The following PAK2 variants were observed in gnomAD, a reference collection of about 807,000 sequenced individuals.
The protein encoded by PAK2 is p21 (RAC1) activated kinase 2, also known as serine/threonine-protein kinase PAK 2.
A neutral mutation model predicts 65.9 loss-of-function variants in PAK2; 21 were observed. The ratio of observed to expected loss-of-function variants is 0.32; its 90% CI spans 0.23 to 0.46. The LOEUF is 0.46. PAK2 is among the 20% of genes least tolerant of loss of function. The pLI, the probability that PAK2 is intolerant of heterozygous loss-of-function variation, is 1.00. For missense variants in PAK2, 324 were observed against 642.6 expected, an observed-to-expected ratio of 0.50 and a Z score of 5.36; for synonymous variants, 204 against 219.7, an observed-to-expected ratio of 0.93 and a Z score of 0.63.
intron 1 of PAK2, among the ~76,000 whole-genome samples, chr3:196,782,107 AAAAT>A (rs1353698592): frequency 6.6e-6 from 1 of 152,100 alleles, no homozygotes; most frequent in Non-Finnish European, 1.5e-5. Flanking sequence ...CTCCATCTTG[AAAAT>A]AAATAAGAAT....
At chr3:196,750,550 G>T (rs548398121) in intron 1 of PAK2, among the ~76,000 whole-genome samples, 1 of 151,688 alleles carries the variant, frequency 6.6e-6, no homozygotes, top group African/African-American at 2.4e-5. Flanking sequence ...TAACATTTTT[G>T]CATCTTATAT....
rs575520189 is a variant in PAK2 at position 196,827,138 on chromosome 3, T to C, written c.1351-58T>C. On this transcript the variant is annotated intron_variant, in intron 13 of 14. Transcript: ENST00000327134. ...AAAGAATCCCTTAGACTTTATGGAG[T>C]GCTCTGTGACCGTGTTGAGCTATCT... 2.7e-3 allele frequency: 3,058 copies of C among 1,123,896 alleles called. 8 individuals are homozygous for C. The highest frequency in any genetic ancestry group is 3.1e-3 in the Non-Finnish European group (2,417 of 779,456). The allele number at this position is 1,123,896 out of a possible 1,614,324, so 69.6% of individuals were successfully genotyped here. A position where few individuals can be genotyped will look rare whatever the true frequency, so the allele number is the denominator to read the frequency against.
intron 1 of PAK2, among the ~76,000 whole-genome samples, chr3:196,770,142 A>G (rs530593509): frequency 1.3e-5 from 2 of 152,026 alleles, no homozygotes; most frequent in South Asian, 4.2e-4. Context: ...CTGTAGTTCC[A>G]GCTACTTAGG....
At chr3:196,767,904 C>T (rs979003542) in intron 1 of PAK2, among the ~76,000 whole-genome samples, 1 of 152,070 alleles carries the variant, frequency 6.6e-6, no homozygotes, top group African/African-American at 2.4e-5. Context: ...GCGGTCTCAT[C>T]ATATGGACTC....
chr3:196,799,795 T>C (rs1329021220), intron 2 of PAK2, among the ~76,000 whole-genome samples: 1 of 152,120 alleles, frequency 6.6e-6, no homozygotes, highest in African/African-American at 2.4e-5. Context: ...AGTTTGCATT[T>C]TAGATACAGT....
chr3:196,782,005 C>CTGAG (rs1278499223), intron 1 of PAK2, among the ~76,000 whole-genome samples: 1 of 152,136 alleles, frequency 6.6e-6, no homozygotes. Context: ...ACTCAGGAGG[C>CTGAG]TGAGGCAGGA....
intron 13 of PAK2, among the ~76,000 whole-genome samples, chr3:196,826,001 A>T (rs1711852314): frequency 1.0e-5 from 1 of 96,740 alleles, no homozygotes; most frequent in African/African-American, 4.5e-5. Context: ...GTGCCACCAC[A>T]CCCAGCTAAT....
intron 2 of PAK2, among the ~76,000 whole-genome samples, chr3:196,796,708 C>T (rs1240757500): frequency 6.6e-6 from 1 of 152,034 alleles, no homozygotes; most frequent in Non-Finnish European, 1.5e-5. Flanking sequence ...TACTTTAAAA[C>T]ATAAAGCCAC....
chr3:196,764,004 C>T (rs1175867920), intron 1 of PAK2, among the ~76,000 whole-genome samples: 4 of 145,884 alleles, frequency 2.7e-5, no homozygotes, highest in Non-Finnish European at 4.5e-5. Flanking sequence ...GATGGGGTTT[C>T]ACCGTGTTAG....
chr3:196,742,454 T>TTG (rs1713231938), intron 1 of PAK2, among the ~76,000 whole-genome samples: 2 of 152,346 alleles, frequency 1.3e-5, no homozygotes, highest in African/African-American at 2.4e-5. Context: ...AGATAAACTT[T>TTG]CAATTATACT....
At position 196,780,780 on chromosome 3, in the gene PAK2, T is replaced by TTTTTA. The variant is rs756503838; in HGVS notation, c.-21-1826_-21-1822dup. 7.9e-5 allele frequency among the ~76,000 whole-genome samples: 12 copies of TTTTTA among 152,292 alleles called. No individual in the cohort carries two copies. In the East Asian group the frequency reaches 1.5e-3, roughly 20 times the overall value. On this transcript the variant is annotated intron_variant, in intron 1 of 14. Coordinates refer to ENST00000327134, the MANE Select transcript of PAK2 (RefSeq NM_002577.4). ...AGATTTGGTATAAGCTTCTCAAATT[T>TTTTTA]TTTTATTTTATTTTATTTTATTTTT...
intron 1 of PAK2, among the ~76,000 whole-genome samples, chr3:196,772,896 A>G (rs1165230212): frequency 6.6e-6 from 1 of 152,226 alleles, no homozygotes; most frequent in South Asian, 2.1e-4. Context: ...TGTTATTTAT[A>G]TAAAAAGTAA....
chr3:196,827,835 AG>A (rs1317376590), intron 14 of PAK2, among the ~76,000 whole-genome samples: 2 of 151,736 alleles, frequency 1.3e-5, no homozygotes, highest in African/African-American at 2.4e-5. Flanking sequence ...ATCAATCCTC[AG>A]ACCTGTTTAC....
chr3:196,775,607 T>C (rs1237800625), intron 1 of PAK2, among the ~76,000 whole-genome samples: 1 of 152,116 alleles, frequency 6.6e-6, no homozygotes, highest in Non-Finnish European at 1.5e-5. Flanking sequence ...GGTCTCGATC[T>C]CTTGACCTTG....
At chr3:196,742,095 A>AT (rs1221584587) in intron 1 of PAK2, among the ~76,000 whole-genome samples, 2 of 108,454 alleles carry the variant, frequency 1.8e-5, no homozygotes, top group Non-Finnish European at 2.0e-5. Context: ...AACAATTAAT[A>AT]TTTCTTTTTT....
intron 1 of PAK2, among the ~76,000 whole-genome samples, chr3:196,755,343 C>T (rs1337306554): frequency 6.6e-6 from 1 of 152,000 alleles, no homozygotes; most frequent in Non-Finnish European, 1.5e-5. Flanking sequence ...GAAAATTTTT[C>T]CTATGTCTAT....
chr3:196,808,071 T>C, intron 7 of PAK2, 157 bp downstream of exon 7: 2 of 625,034 alleles, frequency 3.2e-6, no homozygotes, highest in Non-Finnish European at 5.3e-6. Flanking sequence ...AATCTGGTGA[T>C]GTCACCAGGT....
intron 1 of PAK2, among the ~76,000 whole-genome samples, chr3:196,750,482 A>G (rs1713537264): frequency 6.6e-6 from 1 of 152,120 alleles, no homozygotes; most frequent in African/African-American, 2.4e-5. Flanking sequence ...ACTGCTCAAG[A>G]TCTTCATTAT....
At chr3:196,768,176 G>A (rs1160749896) in intron 1 of PAK2, among the ~76,000 whole-genome samples, 1 of 152,052 alleles carries the variant, frequency 6.6e-6, no homozygotes, top group African/African-American at 2.4e-5. Flanking sequence ...GGAGTTGTGA[G>A]CACATTGCAA....
Sources: allele counts gnomAD v4.1 joint callset (sites outside exome capture counted in the v4.1 genomes callset), GRCh38; gene constraint gnomAD v4.1.1; transcripts MANE v1.5; gene names NCBI Gene and HGNC (gene_info 2026-07-23, HGNC 2026-07-21).